The following PHLPP2 variants were observed in gnomAD, a reference collection of about 807,000 sequenced individuals.
PHLPP2 encodes PH domain and leucine rich repeat protein phosphatase 2.
Under a neutral mutation model 124.9 loss-of-function variants are expected in PHLPP2, and 66 were observed. The ratio of observed to expected loss-of-function variants is 0.53; its 90% CI spans 0.43 to 0.65. The LOEUF (loss-of-function observed/expected upper bound fraction) is 0.65, where lower values mean the gene tolerates loss of function less well. Among genes scored for constraint, PHLPP2 ranks in the 30% least tolerant of loss-of-function variants. The pLI, the probability that PHLPP2 is intolerant of heterozygous loss-of-function variation, is 0.00. For missense variants in PHLPP2, 1,685 were observed against 1,600.4 expected (o/e 1.05, Z -0.90); for synonymous variants, 681 against 624.7 (o/e 1.09, Z -1.34).
intron 1 of PHLPP2, among the ~76,000 whole-genome samples, chr16:71,718,871 A>G (rs1208100626): frequency 6.6e-6 from 1 of 152,204 alleles, no homozygotes; most frequent in East Asian, 1.9e-4. Context: ...AACCTGACCG[A>G]TGGGCACTTA....
At chr16:71,680,015 G>A (rs1298010697) in intron 6 of PHLPP2, among the ~76,000 whole-genome samples, 6 of 151,808 alleles carry the variant, frequency 4.0e-5, no homozygotes, top group African/African-American at 7.3e-5. Flanking sequence ...CCCGGGAGGC[G>A]GAGCTTGCAG....
chr16:71,671,113 A>T (rs2044888951), intron 10 of PHLPP2, among the ~76,000 whole-genome samples: 1 of 152,200 alleles, frequency 6.6e-6, no homozygotes, highest in Non-Finnish European at 1.5e-5. Context: ...TTTCTTCGGC[A>T]ATGATCAAGC....
Position 71,680,318 on chromosome 16 carries a change from G to A in PHLPP2, c.891-783C>T, listed in dbSNP as rs112467131. Among the ~76,000 whole-genome samples, 525 of 152,168 alleles carry A rather than the reference G, an allele frequency of 3.5e-3. 6 individuals carry two copies. Among genetic ancestry groups the A allele is most frequent in the African/African-American group, 0.012 (501 of 41,530 alleles). ...TCTACTTTCATACTGAAATTATGTT[G>A]GCTAAAATGTCACATAAAATGAATA... On this transcript the variant is annotated intron_variant, in intron 6 of 18. Coordinates refer to ENST00000568954, the MANE Select transcript of PHLPP2 (RefSeq NM_015020.3).
chr16:71,667,030 T>C lies in PHLPP2; in HGVS notation c.1784+148A>G, dbSNP rs536705395. On this transcript the variant is annotated intron_variant, in intron 12 of 18. Coordinates refer to ENST00000568954, the MANE Select transcript of PHLPP2 (RefSeq NM_015020.3). The stretch of plus-strand genomic sequence containing the variant: ...TAAAACAGTGTCATATTTTGTTTCA[T>C]AAAAATTGCAAATAAGTCTCCACTC... 3.0e-4 allele frequency: 167 copies of C among 557,112 alleles called. 1 individual carries two copies. In the East Asian group the frequency reaches 4.9e-3, roughly 16 times the overall value. The allele number at this position is 557,112 out of a possible 1,614,324, so 34.5% of individuals were successfully genotyped here.
rs144834206 is a variant in PHLPP2, at chr16:71,702,055, T to C, written c.418+543A>G. ...TTCAACCACAATCAGATAAGAAGCATGTTACTGTTCCAAGTTTTTGTTTTT... is the reference window on the plus strand; with the variant it reads ...TTCAACCACAATCAGATAAGAAGCACGTTACTGTTCCAAGTTTTTGTTTTT... On this transcript the variant is annotated intron_variant, in intron 3 of 18. Transcript: ENST00000568954. 1.5e-3 allele frequency among the ~76,000 whole-genome samples: 231 copies of C among 152,260 alleles called. 1 individual carries two copies. Among genetic ancestry groups the C allele is most frequent in the Non-Finnish European group, 2.6e-3 (178 of 68,012 alleles).
rs1219035609 is a variant in PHLPP2 at position 71,649,757 on chromosome 16, A to G, written c.3105T>C (p.Ile1035=). The change falls in exon 19 of 19, where the codon ATT becomes ATC. Residue 1035 remains isoleucine, a synonymous_variant. Coordinates refer to ENST00000568954, the MANE Select transcript of PHLPP2 (RefSeq NM_015020.3). ...TTTCACAAGTGCAGCCTTCCTCACCAATATTCAAATAAACTACCATCGCCC... is the reference window on the plus strand; with the variant it reads ...TTTCACAAGTGCAGCCTTCCTCACCGATATTCAAATAAACTACCATCGCCC... The part of the protein sequence containing the change: ...NVGAMVVYLN[I]GEEGCTCEMN... 1.2e-6 allele frequency: 2 copies of G among 1,614,218 alleles called. No individual in the cohort carries two copies. The highest frequency in any genetic ancestry group is 1.7e-5 in the Admixed American group (1 of 60,024).
chr16:71,663,075 G>A (rs900951832), intron 13 of PHLPP2, among the ~76,000 whole-genome samples: 4 of 151,950 alleles, frequency 2.6e-5, no homozygotes, highest in South Asian at 2.1e-4. Flanking sequence ...TATGCATATC[G>A]TCTTTAACAG....
rs182788400 is a variant in PHLPP2 at position 71,666,958 on chromosome 16, C to T, written c.1784+220G>A. On this transcript the variant is annotated intron_variant, in intron 12 of 18. Coordinates refer to ENST00000568954, the MANE Select transcript of PHLPP2 (RefSeq NM_015020.3). Reference sequence around the variant, plus strand: ...TCTGAAATTGTTTACAACACAGAAACCTCTTTAAGGATTTAACAGTTATTT... The same window carrying T: ...TCTGAAATTGTTTACAACACAGAAATCTCTTTAAGGATTTAACAGTTATTT... Among the ~76,000 whole-genome samples the T allele has an allele frequency of 1.7e-3, 263 of 152,254 alleles. 3 individuals are homozygous for T. Among genetic ancestry groups the T allele is most frequent in the Non-Finnish European group, 4.4e-4 (30 of 68,010 alleles).
chr16:71,653,082 C>T (rs2044709374), intron 17 of PHLPP2, 61 bp from the exon 18 acceptor site: 2 of 1,006,872 alleles, frequency 2.0e-6, no homozygotes, highest in South Asian at 1.4e-5. Context: ...AGTGGTGGTC[C>T]TGCACGTACA....
At position 71,714,703 on chromosome 16, in the gene PHLPP2, G is replaced by A; in HGVS notation, c.93C>T (p.Gly31=). ...TGTCTGCTCCATAAAGGTAAACACA[G>A]CCTCTCTTTACATCTTCTCTTAGCC... ...RDWLREDVKR[G]CVYLYGADTT... The change falls in exon 2 of 19, where the codon GGC becomes GGT. Residue 31 remains glycine, a synonymous_variant. Coordinates refer to ENST00000568954, the MANE Select transcript of PHLPP2 (RefSeq NM_015020.3). 6.2e-7 allele frequency: 1 copy of A among 1,614,066 alleles called. No individual in the cohort carries two copies. Among genetic ancestry groups the A allele is most frequent in the East Asian group, 2.2e-5 (1 of 44,878 alleles).
At chr16:71,655,146 T>C (rs758575565) in intron 17 of PHLPP2, 94 bp downstream of exon 17, 3 of 804,174 alleles carry the variant, frequency 3.7e-6, no homozygotes, top group Non-Finnish European at 6.4e-6. Context: ...TCCTTGATCC[T>C]GTATCCATAA....
At chr16:71,686,594 C>T (rs770140224) in intron 4 of PHLPP2, among the ~76,000 whole-genome samples, 22 of 152,042 alleles carry the variant, frequency 1.4e-4, no homozygotes, top group Non-Finnish European at 3.1e-4. Flanking sequence ...ACAGTCAGCC[C>T]CCTCCCCACC....
chr16:71,714,747 C>T lies in PHLPP2; in HGVS notation c.49G>A (p.Gly17Ser). The T allele has an allele frequency of 6.2e-7, 1 of 1,614,102 alleles. No homozygotes were observed. The stretch of plus-strand genomic sequence containing the variant: ...CTTAGCCAGTCTCTTTCTCGAGAAC[C>T]AAACCTACTTCTCCTATTCAAACAA... ...RNCLNRRSRF[G>S]SRERDWLRED... The change falls in exon 2 of 19, where the codon GGT becomes AGT. Residue 17 changes from glycine to serine, a missense_variant. By Grantham distance (56) the Gly-to-Ser change is moderately conservative. Transcript: ENST00000568954.
intron 17 of PHLPP2, 23 bp downstream of exon 17, chr16:71,655,217 G>C: frequency 6.5e-7 from 1 of 1,549,470 alleles, no homozygotes; most frequent in Non-Finnish European, 8.9e-7. Context: ...CTGAGTTAGG[G>C]ATTTTTCAAC....
intron 13 of PHLPP2, among the ~76,000 whole-genome samples, chr16:71,660,104 AT>A (rs1449658856): frequency 1.3e-5 from 2 of 152,060 alleles, no homozygotes; most frequent in Middle Eastern, 3.2e-3. Context: ...AGGAAAAAAA[AT>A]CTTTTAATGC....
chr16:71,660,700 G>A (rs1468795501), intron 13 of PHLPP2, among the ~76,000 whole-genome samples: 1 of 151,854 alleles, frequency 6.6e-6, no homozygotes, highest in Non-Finnish European at 1.5e-5. Flanking sequence ...CACTGCGCCC[G>A]GCCTATACAT....
chr16:71,708,296 T>TC (rs2045296011), intron 2 of PHLPP2, among the ~76,000 whole-genome samples: 1 of 152,104 alleles, frequency 6.6e-6, no homozygotes, highest in Admixed American at 6.5e-5. Flanking sequence ...AATGGCCGGC[T>TC]CCTGCCTTAA....
chr16:71,652,526 C>T (rs1340152373), intron 18 of PHLPP2, among the ~76,000 whole-genome samples: 1 of 152,192 alleles, frequency 6.6e-6, no homozygotes, highest in Non-Finnish European at 1.5e-5. Context: ...ATTTAACATC[C>T]ATCTTACAAC....
rs1015906792 is a variant in PHLPP2, at chr16:71,656,679, T to C, written c.2282A>G (p.His761Arg). Residue 761 changes from histidine to arginine, a missense_variant and splice_region_variant, in exon 16 of 19, where the codon CAT becomes CGT. Physicochemically the swap from His to Arg is conservative, Grantham distance 29. Transcript: ENST00000568954. ...CTGATCAATTTTCAGGGTTGTGATATGGCTGTGGGAGGTGAAGGAAGATTA... is the reference window on the plus strand; with the variant it reads ...CTGATCAATTTTCAGGGTTGTGATACGGCTGTGGGAGGTGAAGGAAGATTA... ...LEHKTLDIFS[H>R]ITTLKIDQKP... 6.3e-7 allele frequency: 1 copy of C among 1,578,180 alleles called. No individual in the cohort carries two copies. Among genetic ancestry groups the C allele is most frequent in the South Asian group, 1.1e-5 (1 of 90,310 alleles).
Sources: allele counts gnomAD v4.1 joint callset (sites outside exome capture counted in the v4.1 genomes callset), GRCh38; gene constraint gnomAD v4.1.1; transcripts MANE v1.5; gene names NCBI Gene and HGNC (gene_info 2026-07-23, HGNC 2026-07-21).